Variants in BIN3 observed in about 807,000 individuals in gnomAD.
BIN3 encodes the protein bridging integrator 3.
In BIN3, 41 loss-of-function variants were observed where a neutral mutation model predicts 38.2. That is an observed-to-expected ratio of 1.07 (90% CI 0.84 to 1.39). BIN3 has a LOEUF of 1.39. BIN3 is among the 40% of genes most tolerant of loss of function. BIN3 has a pLI of 0.00. For synonymous variants in BIN3, 145 were observed against 122.6 expected, an observed-to-expected ratio of 1.18 and a Z score of -1.21; for missense variants, 361 against 324.3, an observed-to-expected ratio of 1.11 and a Z score of -0.87.
chr8:22,634,435 C>T (rs1050234711), intron 4 of BIN3: 13 of 451,530 alleles, frequency 2.9e-5, no homozygotes, highest in African/African-American at 8.5e-5. Flanking sequence ...GTGGTGACGG[C>T]GGCTCCCAGG....
In BIN3 at chr8:22,634,743, G is replaced by A. The variant is rs534621724; in HGVS notation, c.160+1782C>T. On this transcript the variant is annotated intron_variant, in intron 4 of 8. Coordinates refer to ENST00000276416, the MANE Select transcript of BIN3 (RefSeq NM_018688.6). ...GCCAAGCAAAGAGTGGATGGGCAAC[G>A]GTTCCGGAGTGGGGGCTGTTTCGGT... Among the ~76,000 whole-genome samples, 10 of 152,258 alleles carry A rather than the reference G, an allele frequency of 6.6e-5. No homozygotes were observed. The South Asian group carries it at 1.7e-3, about 25-fold the overall frequency.
intron 1 of BIN3, among the ~76,000 whole-genome samples, chr8:22,659,464 C>T (rs567680696): frequency 1.5e-4 from 23 of 152,338 alleles, no homozygotes; most frequent in South Asian, 4.1e-4. Flanking sequence ...CCTTCCCCAC[C>T]GCTCCACAGG....
chr8:22,668,688 G>A (rs1043936984), intron 1 of BIN3, among the ~76,000 whole-genome samples: 4 of 152,376 alleles, frequency 2.6e-5, no homozygotes, highest in Non-Finnish European at 1.5e-5. Context: ...GCGGGGCAGA[G>A]ATGCCCACAG....
chr8:22,662,840 TA>T (rs373131992), intron 1 of BIN3, among the ~76,000 whole-genome samples: 3 of 152,100 alleles, frequency 2.0e-5, no homozygotes, highest in Non-Finnish European at 4.4e-5. Context: ...GGTCATTCTT[TA>T]AAAAAACAAA....
At chr8:22,623,090 G>A (rs1221102538) in intron 8 of BIN3, among the ~76,000 whole-genome samples, 4 of 152,370 alleles carry the variant, frequency 2.6e-5, no homozygotes, top group African/African-American at 9.6e-5. Flanking sequence ...ACCCGGGCCA[G>A]GAGGGGCAGA....
intron 5 of BIN3, 55 bp downstream of exon 5, chr8:22,630,387 A>G (rs746727116): frequency 1.9e-6 from 3 of 1,603,734 alleles, no homozygotes; most frequent in Non-Finnish European, 2.6e-6. Flanking sequence ...GTCCACCCAG[A>G]GGCCCAGACC....
intron 1 of BIN3, among the ~76,000 whole-genome samples, chr8:22,645,536 GAA>G (rs1256122037): frequency 1.4e-5 from 2 of 146,120 alleles, no homozygotes; most frequent in Non-Finnish European, 3.0e-5. Flanking sequence ...GGAGGGGGAG[GAA>G]AGGAAAGGAA....
At chr8:22,627,016 C>A (rs1274317892) in intron 6 of BIN3, among the ~76,000 whole-genome samples, 1 of 152,192 alleles carries the variant, frequency 6.6e-6, no homozygotes, top group Non-Finnish European at 1.5e-5. Context: ...TGGGCTCCTG[C>A]CAGCCCCCTG....
At chr8:22,644,866 T>C (rs1448074134) in intron 1 of BIN3, 63 bp from the exon 2 acceptor site, 42 of 1,460,848 alleles carry the variant, frequency 2.9e-5, no homozygotes, top group Non-Finnish European at 3.8e-5. Context: ...GCTCAAAGTA[T>C]CAGTACAGTA....
At chr8:22,622,376 C>T (rs1462166570) in intron 8 of BIN3, among the ~76,000 whole-genome samples, 1 of 152,192 alleles carries the variant, frequency 6.6e-6, no homozygotes, top group African/African-American at 2.4e-5. Flanking sequence ...CCAGGTGGGG[C>T]GGGGACCCAC....
At chr8:22,656,599 A>C (rs73671246) in intron 1 of BIN3, among the ~76,000 whole-genome samples, 1,850 of 152,346 alleles carry the variant, frequency 0.012, 29 homozygotes, top group African/African-American at 0.041. Context: ...TTGAAGTTAT[A>C]GAAAATGTTT....
intron 2 of BIN3, among the ~76,000 whole-genome samples, chr8:22,640,178 T>C (rs1218413343): frequency 6.1e-5 from 9 of 147,702 alleles, no homozygotes; most frequent in Admixed American, 2.0e-4. Flanking sequence ...GACACATCCT[T>C]CTTCTTCTTT....
intron 2 of BIN3, among the ~76,000 whole-genome samples, chr8:22,644,425 A>G (rs1802652760): frequency 6.6e-6 from 1 of 152,252 alleles, no homozygotes; most frequent in African/African-American, 2.4e-5. Context: ...TCTTTCAGGA[A>G]CACTCTTAGG....
At chr8:22,630,120 C>T in intron 5 of BIN3, 116 bp from the exon 6 acceptor site, 1 of 1,183,580 alleles carries the variant, frequency 8.4e-7, no homozygotes, top group Non-Finnish European at 1.2e-6. Context: ...GGGTGCTGTC[C>T]TTGTCCTGGG....
rs1038325272 is a variant in BIN3 at position 22,668,642 on chromosome 8, T to TGCCACAGCGAGG, written c.8+390_8+401dup. 1.6e-4 allele frequency among the ~76,000 whole-genome samples: 25 copies of TGCCACAGCGAGG among 152,304 alleles called. 1 individual carries two copies. In the East Asian group the frequency reaches 3.9e-3, roughly 23 times the overall value. ...TTTGATTAGTGAACTGGGTCCAGGC[T>TGCCACAGCGAGG]GCCACAGCGAGGGCCACAGCTCTGG... On this transcript the variant is annotated intron_variant, in intron 1 of 8. Transcript: ENST00000276416.
At chr8:22,632,316 A>C (rs1168818449) in intron 4 of BIN3, among the ~76,000 whole-genome samples, 2 of 152,160 alleles carry the variant, frequency 1.3e-5, no homozygotes, top group Admixed American at 6.5e-5. Context: ...AGGCCCCTTC[A>C]CCAGTCAGCA....
chr8:22,649,631 C>A (rs961187329), intron 1 of BIN3, among the ~76,000 whole-genome samples: 1 of 152,084 alleles, frequency 6.6e-6, no homozygotes, highest in African/African-American at 2.4e-5. Context: ...GTGGCTAATT[C>A]TGGGTGGTGA....
At chr8:22,661,421 G>A (rs1368925920) in intron 1 of BIN3, among the ~76,000 whole-genome samples, 2 of 131,136 alleles carry the variant, frequency 1.5e-5, no homozygotes, top group Non-Finnish European at 3.1e-5. Context: ...GCAGTGGCAT[G>A]ATCTTGGCTC....
intron 8 of BIN3, 34 bp downstream of exon 8, chr8:22,623,881 C>A: frequency 6.2e-7 from 1 of 1,604,886 alleles, no homozygotes. Context: ...GCTGTGTATA[C>A]CAAGCCCAGG....
Sources: allele counts gnomAD v4.1 joint callset (sites outside exome capture counted in the v4.1 genomes callset), GRCh38; gene constraint gnomAD v4.1.1; transcripts MANE v1.5; gene names NCBI Gene and HGNC (gene_info 2026-07-23, HGNC 2026-07-21).